Variants in JARID2 observed in about 807,000 individuals in gnomAD.
The protein encoded by JARID2 is jumonji and AT-rich interaction domain containing 2, also known as protein Jumonji.
A neutral mutation model predicts 125.6 loss-of-function variants in JARID2; 21 were observed. The ratio of observed to expected loss-of-function variants is 0.17; its 90% CI spans 0.12 to 0.24. The LOEUF (loss-of-function observed/expected upper bound fraction) is 0.24, where lower values mean the gene tolerates loss of function less well. Ranked by LOEUF, JARID2 falls within the 10% of genes least tolerant of loss-of-function variation. The pLI, the probability that JARID2 is intolerant of heterozygous loss-of-function variation, is 1.00. For synonymous variants in JARID2, 736 were observed against 661.6 expected (o/e 1.11, Z -1.73); for missense variants, 1,303 against 1,639.6 (o/e 0.79, Z 3.55).
chr6:15,517,367 C>T (rs906288326), intron 17 of JARID2, 99 bp downstream of exon 17: 35 of 834,484 alleles, frequency 4.2e-5, no homozygotes, highest in Middle Eastern at 2.3e-4. Context: ...CTGTGCCTGG[C>T]GGGTAGTCAG....
At chr6:15,416,212 C>G (rs1368125320) in intron 3 of JARID2, among the ~76,000 whole-genome samples, 1 of 151,530 alleles carries the variant, frequency 6.6e-6, no homozygotes, top group East Asian at 2.0e-4. Flanking sequence ...GACTGGGTAG[C>G]CAGGCCGAGG....
At position 15,512,255 on chromosome 6, in the gene JARID2, C is replaced by T. The variant is rs571975505; in HGVS notation, c.3000C>T (p.Thr1000=). 81 of 1,614,114 alleles carry T rather than the reference C, an allele frequency of 5.0e-5. No individual in the cohort carries two copies. In the South Asian group the frequency reaches 5.9e-4, roughly 12 times the overall value. The change falls in exon 14 of 18, where the codon ACC becomes ACT. Residue 1000 remains threonine (T), a synonymous_variant. Transcript: ENST00000341776. ...LCKEGIKVHR[T]VQQSGQFVVC... Reference sequence around the variant, plus strand: ...AAGAGGGGATCAAGGTGCACAGGACCGTGCAGCAGAGTGGCCAGTTTGTCG... The same window carrying T: ...AAGAGGGGATCAAGGTGCACAGGACTGTGCAGCAGAGTGGCCAGTTTGTCG...
intron 1 of JARID2, among the ~76,000 whole-genome samples, chr6:15,371,096 C>T (rs1417464739): frequency 1.3e-5 from 2 of 152,198 alleles, no homozygotes; most frequent in Non-Finnish European, 1.5e-5. Flanking sequence ...ATTTGCTTCT[C>T]CTGTATTTAA....
At chr6:15,330,393 G>A (rs1263094902) in intron 1 of JARID2, among the ~76,000 whole-genome samples, 1 of 152,242 alleles carries the variant, frequency 6.6e-6, no homozygotes, top group African/African-American at 2.4e-5. Context: ...TGATCCACTT[G>A]TGTGGCCAGA....
intron 1 of JARID2, among the ~76,000 whole-genome samples, chr6:15,359,305 A>G (rs1405418737): frequency 6.6e-6 from 1 of 152,162 alleles, no homozygotes; most frequent in Non-Finnish European, 1.5e-5. Flanking sequence ...GCTGCTGTAT[A>G]CTTTACTGTC....
intron 5 of JARID2, 45 bp from the exon 6 acceptor site, chr6:15,487,262 T>C (rs1445391617): frequency 1.3e-6 from 2 of 1,514,898 alleles, no homozygotes; most frequent in Non-Finnish European, 1.8e-6. Context: ...TGCGTGGTAG[T>C]GGTCAAGGTA....
intron 5 of JARID2, among the ~76,000 whole-genome samples, chr6:15,486,065 C>T (rs897253089): frequency 2.0e-5 from 3 of 152,146 alleles, no homozygotes; most frequent in African/African-American, 7.2e-5. Context: ...CATGAGTGGA[C>T]ACAGTAACCT....
intron 1 of JARID2, among the ~76,000 whole-genome samples, chr6:15,275,539 C>CCCCT (rs1554118163): frequency 1.0e-5 from 1 of 99,764 alleles, no homozygotes; most frequent in Admixed American, 9.9e-5. Flanking sequence ...CCCCGCCCCC[C>CCCCT]CCCCCGTCTT....
At chr6:15,354,935 T>G (rs1470404398) in intron 1 of JARID2, among the ~76,000 whole-genome samples, 1 of 152,102 alleles carries the variant, frequency 6.6e-6, no homozygotes, top group Non-Finnish European at 1.5e-5. Context: ...GAATTTCAGG[T>G]GGGGAGCAAG....
Position 15,496,792 on chromosome 6 carries a change from GAAA to G in JARID2, c.1569_1571del (p.Glu523_Asn524delinsAsp), listed in dbSNP as rs1017304428. Reference sequence around the variant, plus strand: ...TGGCAAGGCGGACAGCGCCTCCTGTGAAAATCGTTCTACCTCGCAACCGGAGTC... The same window carrying G: ...TGGCAAGGCGGACAGCGCCTCCTGTGATCGTTCTACCTCGCAACCGGAGTC... On this transcript the variant is annotated inframe_deletion, in exon 7 of 18. Coordinates refer to ENST00000341776, the MANE Select transcript of JARID2 (RefSeq NM_004973.4). 1 of 1,610,968 alleles carries G rather than the reference GAAA, an allele frequency of 6.2e-7. No individual in the cohort carries two copies. Among genetic ancestry groups the G allele is most frequent in the Non-Finnish European group, 8.5e-7 (1 of 1,178,560 alleles).
At chr6:15,512,120 G>T in intron 13 of JARID2, 88 bp from the exon 14 acceptor site, 3 of 1,060,004 alleles carry the variant, frequency 2.8e-6, no homozygotes, top group African/African-American at 1.6e-5. Flanking sequence ...TTGAGAGCAG[G>T]CCTCTTAGGG....
chr6:15,392,305 A>G (rs1017721337), intron 2 of JARID2, among the ~76,000 whole-genome samples: 4 of 152,124 alleles, frequency 2.6e-5, no homozygotes, highest in Non-Finnish European at 5.9e-5. Flanking sequence ...TAACAGTTCC[A>G]ATCTCTATTT....
At chr6:15,435,865 A>G (rs1412073851) in intron 3 of JARID2, among the ~76,000 whole-genome samples, 1 of 152,016 alleles carries the variant, frequency 6.6e-6, no homozygotes, top group African/African-American at 2.4e-5. Flanking sequence ...AGTACAGAGC[A>G]AACCAATCCC....
chr6:15,369,427 C>G (rs539796457), intron 1 of JARID2: 8 of 332,750 alleles, frequency 2.4e-5, no homozygotes, highest in South Asian at 1.9e-4. Context: ...GGAGCCATCA[C>G]TTCTCCTCTA....
chr6:15,474,627 A>G (rs1227851582), intron 5 of JARID2, among the ~76,000 whole-genome samples: 1 of 152,228 alleles, frequency 6.6e-6, no homozygotes, highest in Admixed American at 6.5e-5. Context: ...ATAAGGAAAC[A>G]ATGAGGCTGT....
intron 2 of JARID2, among the ~76,000 whole-genome samples, chr6:15,376,862 G>A (rs1261486797): frequency 6.6e-6 from 1 of 152,186 alleles, no homozygotes; most frequent in Non-Finnish European, 1.5e-5. Flanking sequence ...TTCGGAGCAT[G>A]ATCCAGAGAA....
At chr6:15,415,692 G>T (rs1766147116) in intron 3 of JARID2, among the ~76,000 whole-genome samples, 1 of 147,502 alleles carries the variant, frequency 6.8e-6, no homozygotes, top group Non-Finnish European at 1.5e-5. Flanking sequence ...CCGGGCGGGG[G>T]GCTGACCCCC....
chr6:15,482,283 A>G (rs760781655), intron 5 of JARID2, among the ~76,000 whole-genome samples: 4 of 152,230 alleles, frequency 2.6e-5, no homozygotes, highest in Non-Finnish European at 5.9e-5. Flanking sequence ...GGTTTCAGGC[A>G]TTTTGAATTC....
intron 1 of JARID2, among the ~76,000 whole-genome samples, chr6:15,369,730 G>C (rs1016263224): frequency 6.6e-6 from 1 of 152,234 alleles, no homozygotes; most frequent in Non-Finnish European, 1.5e-5. Context: ...GGAAATACAG[G>C]AGAAAGAGTC....
Sources: allele counts gnomAD v4.1 joint callset (sites outside exome capture counted in the v4.1 genomes callset), GRCh38; gene constraint gnomAD v4.1.1; transcripts MANE v1.5; gene names NCBI Gene and HGNC (gene_info 2026-07-23, HGNC 2026-07-21).